Variants in PRP4K observed in about 807,000 individuals in gnomAD.
PRP4K encodes the protein pre-mRNA processing factor kinase PRP4K.
the PRP4K span, chr6:4,064,974 CTT>C: frequency 6.6e-6 from 1 of 152,350 alleles, no homozygotes; most frequent in Non-Finnish European, 1.5e-5. Context: ...AAATATGCCT[CTT>C]ATTATCATAT....
chr6:4,056,572 A>T, the PRP4K span: 1 of 1,597,016 alleles, frequency 6.3e-7, no homozygotes, highest in Non-Finnish European at 8.5e-7. Context: ...TAGCAAGTTC[A>T]TCCTCCTCAG....
chr6:4,056,362 G>A, the PRP4K span: 6 of 1,613,994 alleles, frequency 3.7e-6, no homozygotes, highest in Non-Finnish European at 3.4e-6. Context: ...GCGATTTTGG[G>A]TCGGCTTCAC....
At chr6:4,039,854 C>G in the PRP4K span, among the ~76,000 whole-genome samples, 6 of 149,012 alleles carry the variant, frequency 4.0e-5, no homozygotes, top group African/African-American at 1.5e-4. Flanking sequence ...CTCCCTTCCC[C>G]TCCGATCTTT....
At chr6:4,049,924 TACAG>T in the PRP4K span, 19 of 1,571,770 alleles carry the variant, frequency 1.2e-5, no homozygotes, top group Non-Finnish European at 1.6e-5. Context: ...TACGGATACT[TACAG>T]AAGAACATAT....
At chr6:4,060,290 T>C in the PRP4K span, 1 of 840,232 alleles carries the variant, frequency 1.2e-6, no homozygotes. The surrounding 1 kb of genome is among the most constrained non-coding windows in gnomAD (Gnocchi z 4.7). Flanking sequence ...GTGCACTGTG[T>C]GTATATATTT....
the PRP4K span, among the ~76,000 whole-genome samples, chr6:4,036,700 A>T: frequency 6.6e-6 from 1 of 152,062 alleles, no homozygotes; most frequent in South Asian, 2.1e-4. Flanking sequence ...ATTAAAAAGA[A>T]GATTTTTGCC....
At chr6:4,049,034 G>T in the PRP4K span, 7 of 1,612,260 alleles carry the variant, frequency 4.3e-6, no homozygotes, top group Non-Finnish European at 5.9e-6. Flanking sequence ...TCTTCGGGCC[G>T]CTGGCATTGG....
At chr6:4,049,634 G>T in the PRP4K span, 1 of 1,223,550 alleles carries the variant, frequency 8.2e-7, no homozygotes, top group Non-Finnish European at 1.1e-6. Flanking sequence ...CCAAATAGTA[G>T]AGATTTAACA....
the PRP4K span, among the ~76,000 whole-genome samples, chr6:4,034,184 A>ATAT: frequency 6.6e-6 from 1 of 151,856 alleles, no homozygotes; most frequent in Non-Finnish European, 1.5e-5. Context: ...AACTGGAGTC[A>ATAT]TATTATTCAT....
the PRP4K span, among the ~76,000 whole-genome samples, chr6:4,027,597 GGGT>G: frequency 5.3e-3 from 631 of 118,410 alleles, 62 homozygotes; most frequent in East Asian, 0.017. Context: ...TTTGGCGGAG[GGGT>G]GGGGGGGTGG....
chr6:4,050,880 G>A, the PRP4K span, among the ~76,000 whole-genome samples: 1 of 152,056 alleles, frequency 6.6e-6, no homozygotes, highest in East Asian at 1.9e-4. Context: ...CCATTACTAT[G>A]TTCTGTTTTT....
the PRP4K span, among the ~76,000 whole-genome samples, chr6:4,058,408 G>A: frequency 3.3e-5 from 5 of 152,328 alleles, no homozygotes; most frequent in South Asian, 2.1e-4. Flanking sequence ...CCTGAGTTTT[G>A]TGATATTTTT....
chr6:4,048,733 C>CA, the PRP4K span, among the ~76,000 whole-genome samples: 1 of 149,472 alleles, frequency 6.7e-6, no homozygotes, highest in Non-Finnish European at 1.5e-5. Context: ...ACACCTGGCG[C>CA]TTTTTTTTTG....
the PRP4K span, chr6:4,043,996 A>G: frequency 6.2e-7 from 1 of 1,614,150 alleles, no homozygotes; most frequent in Non-Finnish European, 8.5e-7. Flanking sequence ...AGCCAAGCAT[A>G]ATCTAATGAC....
At chr6:4,023,760 C>G in the PRP4K span, among the ~76,000 whole-genome samples, 1 of 152,148 alleles carries the variant, frequency 6.6e-6, no homozygotes, top group South Asian at 2.1e-4. Context: ...GTCACCCAGA[C>G]TGGAGTACAG....
At chr6:4,040,813 C>A in the PRP4K span, 2 of 1,613,916 alleles carry the variant, frequency 1.2e-6, no homozygotes, top group Non-Finnish European at 1.7e-6. Flanking sequence ...CGAAGGCGGT[C>A]TCGATCACGC....
the PRP4K span, among the ~76,000 whole-genome samples, chr6:4,036,040 C>G: frequency 6.6e-6 from 1 of 152,150 alleles, no homozygotes; most frequent in Non-Finnish European, 1.5e-5. Flanking sequence ...TATTTACAAT[C>G]TGACTGTTCA....
the PRP4K span, among the ~76,000 whole-genome samples, chr6:4,039,547 C>T: frequency 6.6e-6 from 1 of 152,044 alleles, no homozygotes; most frequent in African/African-American, 2.4e-5. Context: ...GGGGACTGTA[C>T]CGAGTCTGGC....
At chr6:4,058,476 A>G in the PRP4K span, among the ~76,000 whole-genome samples, 1 of 152,232 alleles carries the variant, frequency 6.6e-6, no homozygotes, top group Non-Finnish European at 1.5e-5. Context: ...TGAAAGGACA[A>G]TTTGATGTTA....
Sources: allele counts gnomAD v4.1 joint callset (sites outside exome capture counted in the v4.1 genomes callset), GRCh38; gene constraint gnomAD v4.1.1; non-coding constraint Gnocchi (gnomAD v3.1); transcripts MANE v1.5; gene names NCBI Gene and HGNC (gene_info 2026-07-23, HGNC 2026-07-21).